PLG: variants seen among roughly 807,000 people sequenced by gnomAD.
PLG encodes plasminogen.
Under a neutral mutation model 104.4 loss-of-function variants are expected in PLG, and 41 were observed. The observed-to-expected ratio is 0.39, with a 90% CI of 0.31 to 0.51. The LOEUF (loss-of-function observed/expected upper bound fraction) is 0.51. PLG is among the 20% of genes least tolerant of loss of function. The pLI is 0.76. For missense variants in PLG, 891 were observed against 1,003.6 expected, an observed-to-expected ratio of 0.89 and a Z score of 1.52; for synonymous variants, 337 against 357.1, an observed-to-expected ratio of 0.94 and a Z score of 0.63.
rs1224336172 is a variant in PLG at position 160,724,857 on chromosome 6, T to G, written c.1256+2290T>G. Reference sequence around the variant, plus strand: ...ATAAAAGATGTTCTAGAAATCTATTTTGGTAGAAGAAAAATAGTGCCAGAT... The same window carrying G: ...ATAAAAGATGTTCTAGAAATCTATTGTGGTAGAAGAAAAATAGTGCCAGAT... On this transcript the variant is annotated intron_variant, in intron 10 of 18. Coordinates refer to ENST00000308192, the MANE Select transcript of PLG (RefSeq NM_000301.5). The surrounding 1 kb of genome is among the most constrained non-coding windows in gnomAD (Gnocchi z 5.0). 6.6e-6 allele frequency among the ~76,000 whole-genome samples: 1 copy of G among 152,176 alleles called. No individual in the cohort carries two copies. Among genetic ancestry groups the G allele is most frequent in the African/African-American group, 2.4e-5 (1 of 41,450 alleles).
chr6:160,751,471 A>C (rs1367643165), intron 17 of PLG, among the ~76,000 whole-genome samples: 13 of 152,254 alleles, frequency 8.5e-5, no homozygotes, highest in Admixed American at 8.5e-4. Context: ...AATTCTTGGT[A>C]AATGATGACT....
In PLG at chr6:160,737,048, G is replaced by A. The variant is rs749244543; in HGVS notation, c.1802+41G>A. On this transcript the variant is annotated intron_variant, in intron 14 of 18. Transcript: ENST00000308192. The surrounding 1 kb of genome is among the most constrained non-coding windows in gnomAD (Gnocchi z 4.7). ...GAAACGATTTATACTGTCCCTCCAC[G>A]TAAGCCCTGCAAAACCCTTCTACAT... 2.5e-5 allele frequency: 40 copies of A among 1,609,560 alleles called. No homozygotes were observed. In the South Asian group the frequency reaches 2.6e-4, roughly 11 times the overall value.
intron 1 of PLG, chr6:160,705,325 G>A (rs934182753): frequency 6.7e-6 from 1 of 149,924 alleles, no homozygotes; most frequent in Admixed American, 6.6e-5. Flanking sequence ...CACAGCTGAG[G>A]CCCCCTTGGC....
At chr6:160,715,064 A>G (rs1777707686) in intron 6 of PLG, 150 bp downstream of exon 6, 2 of 793,646 alleles carry the variant, frequency 2.5e-6, no homozygotes, top group Non-Finnish European at 4.2e-6. Flanking sequence ...ACAATATTGC[A>G]AGTGAAATAC....
chr6:160,705,073 T>C (rs1487807910), intron 1 of PLG, among the ~76,000 whole-genome samples: 11 of 152,202 alleles, frequency 7.2e-5, no homozygotes, highest in Admixed American at 2.0e-4. Flanking sequence ...CCACCCCCTC[T>C]GCCTGCGGCC....
chr6:160,722,678 C>A, intron 10 of PLG, 111 bp downstream of exon 10: 2 of 925,436 alleles, frequency 2.2e-6, no homozygotes, highest in South Asian at 2.7e-5. Context: ...TTCTCTTAGA[C>A]CCAGAATGTG....
chr6:160,751,246 G>A (rs919245533), intron 17 of PLG, among the ~76,000 whole-genome samples: 7 of 152,204 alleles, frequency 4.6e-5, no homozygotes, highest in African/African-American at 1.7e-4. Flanking sequence ...GAACAAAGAT[G>A]TGGAAAGCTG....
rs766749970 is a variant in PLG at position 160,744,224 on chromosome 6, A to T, written c.2125+2807A>T. 3.3e-5 allele frequency among the ~76,000 whole-genome samples: 5 copies of T among 152,346 alleles called. No homozygotes were observed. The East Asian group carries it at 5.8e-4, about 18-fold the overall frequency. On this transcript the variant is annotated intron_variant, in intron 17 of 18. Coordinates refer to ENST00000308192, the MANE Select transcript of PLG (RefSeq NM_000301.5). The surrounding 1 kb of genome is among the most constrained non-coding windows in gnomAD (Gnocchi z 4.5). ...CTCCTCAGTTTTTTTGAACGGTTTC[A>T]GTAGGAATGGTCATAGCTCTTCTTT... is the stretch of plus-strand genomic sequence containing the variant.
Position 160,752,757 on chromosome 6 carries a change from A to G in PLG, c.2272-143A>G. 9.9e-7 allele frequency: 1 copy of G among 1,012,198 alleles called. No homozygotes were observed. The highest frequency in any genetic ancestry group is 1.5e-6 in the Non-Finnish European group (1 of 651,236). The allele number at this position is 1,012,198 out of a possible 1,614,324, so 62.7% of individuals were successfully genotyped here. On this transcript the variant is annotated intron_variant, in intron 18 of 18. Transcript: ENST00000308192. This position sits in a 1 kb window ranked among gnomAD's most constrained non-coding sequence, Gnocchi z 4.7. ...ATTTTGCTAAGTACTTAAGCACTGC[A>G]GATGCTTGAGTAATATGCTCATAAG...
intron 10 of PLG, among the ~76,000 whole-genome samples, chr6:160,730,079 G>A (rs1473312485): frequency 1.3e-5 from 2 of 152,204 alleles, no homozygotes; most frequent in African/African-American, 2.4e-5. Flanking sequence ...GACAGCCACA[G>A]GTCATGAATG....
chr6:160,740,036 C>T lies in PLG; in HGVS notation c.2018+828C>T, dbSNP rs1778162063. 6.6e-6 allele frequency among the ~76,000 whole-genome samples: 1 copy of T among 152,134 alleles called. No homozygotes were observed. The highest frequency in any genetic ancestry group is 6.6e-5 in the Admixed American group (1 of 15,260). The stretch of plus-strand genomic sequence containing the variant: ...GGAGAAGCAGGTTTGGGACAGGTGA[C>T]AAGGCACGCAGGGCGCTCGCTGTGC... On this transcript the variant is annotated intron_variant, in intron 16 of 18. Transcript: ENST00000308192. This position sits in a 1 kb window ranked among gnomAD's most constrained non-coding sequence, Gnocchi z 5.2.
At chr6:160,749,118 A>G (rs1349012291) in intron 17 of PLG, among the ~76,000 whole-genome samples, 2 of 152,266 alleles carry the variant, frequency 1.3e-5, no homozygotes, top group Non-Finnish European at 1.5e-5. Flanking sequence ...AGCTAAAATC[A>G]TAAAGATCTG....
intron 7 of PLG, 90 bp from the exon 8 acceptor site, chr6:160,718,204 A>G (rs1481066363): frequency 1.8e-6 from 2 of 1,109,164 alleles, no homozygotes; most frequent in East Asian, 2.4e-5. Context: ...GTGAGCTGAG[A>G]TCGTGCCACT....
Position 160,702,364 on chromosome 6 carries a change from G to A in PLG, c.49+11G>A, listed in dbSNP as rs749659246. 19 of 1,583,680 alleles carry A rather than the reference G, an allele frequency of 1.2e-5. No homozygotes were observed. The highest frequency in any genetic ancestry group is 2.3e-4 in the Middle Eastern group (1 of 4,334). The stretch of plus-strand genomic sequence containing the variant: ...TATTTCTGAAATCAGGTAAGACATA[G>A]TTTTTTTAAATTATAAGAATTATTT... On this transcript the variant is annotated intron_variant, in intron 1 of 18. Transcript: ENST00000308192.
intron 5 of PLG, chr6:160,713,371 G>A: frequency 2.3e-6 from 1 of 435,494 alleles, no homozygotes; most frequent in Non-Finnish European, 4.3e-6. Flanking sequence ...CCGGGTTCAA[G>A]AGATTCTGCT....
chr6:160,720,410 C>CTTTTTTTTTTT (rs3057066), intron 9 of PLG, among the ~76,000 whole-genome samples: 672 of 58,534 alleles, frequency 0.011, 108 homozygotes, highest in Admixed American at 0.017. Context: ...CTTTTCTTTT[C>CTTTTTTTTTTT]TTTTTTTTTT....
In PLG at chr6:160,744,121, T is replaced by G. The variant is rs2115183696; in HGVS notation, c.2125+2704T>G. Among the ~76,000 whole-genome samples the G allele has an allele frequency of 6.6e-6, 1 of 152,300 alleles. No homozygotes were observed. Among genetic ancestry groups the G allele is most frequent in the Admixed American group, 6.5e-5 (1 of 15,298 alleles). ...TCAAGGATATTGGCCTGAAGTTTTT[T>G]GTTGTTTTTGTGTCTCTGCCAGGTT... On this transcript the variant is annotated intron_variant, in intron 17 of 18. Coordinates refer to ENST00000308192, the MANE Select transcript of PLG (RefSeq NM_000301.5). The surrounding 1 kb of genome is among the most constrained non-coding windows in gnomAD (Gnocchi z 4.5).
In PLG at chr6:160,752,445, TG is replaced by T. The variant is rs780550156; in HGVS notation, c.2271+189del. On this transcript the variant is annotated intron_variant, in intron 18 of 18. Coordinates refer to ENST00000308192, the MANE Select transcript of PLG (RefSeq NM_000301.5). This position sits in a 1 kb window ranked among gnomAD's most constrained non-coding sequence, Gnocchi z 4.7. ...ATTCAGATCATCTAAGGGGATGTCTTGGGGCTTGAGTTCCAAATCAGTAGCA... is the reference window on the plus strand; with the variant it reads ...ATTCAGATCATCTAAGGGGATGTCTTGGGCTTGAGTTCCAAATCAGTAGCA... Among the ~76,000 whole-genome samples, 20 of 152,178 alleles carry T rather than the reference TG, an allele frequency of 1.3e-4. No homozygotes were observed. Among genetic ancestry groups the T allele is most frequent in the Non-Finnish European group, 2.8e-4 (19 of 68,028 alleles).
rs1562378606 is a variant in PLG, at chr6:160,732,287, T to C, written c.1587+394T>C. 6.6e-6 allele frequency among the ~76,000 whole-genome samples: 1 copy of C among 152,218 alleles called. No homozygotes were observed. Among genetic ancestry groups the C allele is most frequent in the African/African-American group, 2.4e-5 (1 of 41,446 alleles). ...ATTTGGATGGGCCATCAGGTCACCA[T>C]GGGACTTCCCTTAGCCTCATGCATT... On this transcript the variant is annotated intron_variant, in intron 12 of 18. Transcript: ENST00000308192. The surrounding 1 kb of genome is among the most constrained non-coding windows in gnomAD (Gnocchi z 4.5).
Sources: allele counts gnomAD v4.1 joint callset (sites outside exome capture counted in the v4.1 genomes callset), GRCh38; gene constraint gnomAD v4.1.1; non-coding constraint Gnocchi (gnomAD v3.1); transcripts MANE v1.5; gene names NCBI Gene and HGNC (gene_info 2026-07-23, HGNC 2026-07-21).